DPP10: variants seen among roughly 807,000 people sequenced by gnomAD.
DPP10 encodes the protein dipeptidyl peptidase like 10.
A neutral mutation model predicts 120.9 loss-of-function variants in DPP10; 33 were observed. That is an observed-to-expected ratio of 0.27 (90% CI 0.21 to 0.37). DPP10 has a LOEUF of 0.37. Among genes scored for constraint, DPP10 ranks in the 10% least tolerant of loss-of-function variants. DPP10 has a pLI of 1.00. For missense variants in DPP10, 816 were observed against 942.8 expected, an observed-to-expected ratio of 0.87 and a Z score of 1.76; for synonymous variants, 337 against 326.1, an observed-to-expected ratio of 1.03 and a Z score of -0.36.
chr2:115,754,522 T>G (rs1679155892), intron 11 of DPP10, among the ~76,000 whole-genome samples: 1 of 152,106 alleles, frequency 6.6e-6, no homozygotes, highest in Non-Finnish European at 1.5e-5. Context: ...ACATTAGAAG[T>G]AGGGCTAGTC....
intron 1 of DPP10, among the ~76,000 whole-genome samples, chr2:114,733,990 G>A (rs978451447): frequency 2.0e-5 from 3 of 152,026 alleles, no homozygotes; most frequent in African/African-American, 7.2e-5. Flanking sequence ...GGGGTCTAGG[G>A]ACTAATGACC....
intron 19 of DPP10, among the ~76,000 whole-genome samples, chr2:115,794,196 T>G (rs1258473658): frequency 6.6e-6 from 1 of 152,194 alleles, no homozygotes. Context: ...TATTGCAATT[T>G]TGTGCCATAT....
chr2:115,095,490 C>T (rs975888274), intron 1 of DPP10, among the ~76,000 whole-genome samples: 1 of 151,924 alleles, frequency 6.6e-6, no homozygotes, highest in African/African-American at 2.4e-5. Flanking sequence ...GTGCATTTAG[C>T]TCTGGGAGAC....
At chr2:115,384,302 A>G (rs2066681936) in intron 3 of DPP10, among the ~76,000 whole-genome samples, 1 of 152,086 alleles carries the variant, frequency 6.6e-6, no homozygotes. Context: ...GGAGACTAGG[A>G]GTTCAAGGCT....
intron 7 of DPP10, among the ~76,000 whole-genome samples, chr2:115,704,042 G>A (rs1012576384): frequency 2.6e-5 from 4 of 151,772 alleles, no homozygotes; most frequent in African/African-American, 9.7e-5. Flanking sequence ...CTCCCACAAG[G>A]TTATAAAATG....
intron 1 of DPP10, among the ~76,000 whole-genome samples, chr2:115,263,430 T>C (rs1262997578): frequency 2.0e-5 from 3 of 152,232 alleles, no homozygotes; most frequent in African/African-American, 4.8e-5. Context: ...GCCCCTGGCC[T>C]AGAATGACCA....
intron 1 of DPP10, among the ~76,000 whole-genome samples, chr2:115,263,920 A>G (rs2105768571): frequency 6.6e-6 from 1 of 152,256 alleles, no homozygotes; most frequent in South Asian, 2.1e-4. Context: ...TCATTATTCA[A>G]TAGATTTTGT....
chr2:115,335,949 C>T (rs939252515), intron 2 of DPP10, among the ~76,000 whole-genome samples: 3 of 151,972 alleles, frequency 2.0e-5, no homozygotes, highest in Non-Finnish European at 4.4e-5. Context: ...TTTTAAATAA[C>T]TACTTGATTA....
At chr2:115,732,963 A>G (rs10165837) in intron 8 of DPP10, among the ~76,000 whole-genome samples, 223 of 152,292 alleles carry the variant, frequency 1.5e-3, no homozygotes, top group African/African-American at 5.2e-3. Context: ...ATTGGGAACC[A>G]TTTGGAGCAT....
At chr2:115,441,907 C>T (rs984065731) in intron 3 of DPP10, among the ~76,000 whole-genome samples, 1 of 150,082 alleles carries the variant, frequency 6.7e-6, no homozygotes, top group Non-Finnish European at 1.5e-5. Context: ...CCTCCACTTC[C>T]TGGGTTCAAG....
chr2:115,828,832 T>C (rs1688640020), intron 21 of DPP10, among the ~76,000 whole-genome samples: 1 of 152,198 alleles, frequency 6.6e-6, no homozygotes, highest in African/African-American at 2.4e-5. Flanking sequence ...ATTGTATATT[T>C]ATTAACCATT....
rs1009857066 is a variant in DPP10 at position 115,003,010 on chromosome 2, G to A, written c.61-306229G>A. 1.3e-5 allele frequency among the ~76,000 whole-genome samples: 2 copies of A among 151,654 alleles called. 1 individual carries two copies. Among genetic ancestry groups the A allele is most frequent in the South Asian group, 4.2e-4 (2 of 4,788 alleles). Reference sequence around the variant, plus strand: ...ATTTGACCCAGCATTCTCATTACTGGGTATATACTCAAAGGACTACATATT... The same window carrying A: ...ATTTGACCCAGCATTCTCATTACTGAGTATATACTCAAAGGACTACATATT... On this transcript the variant is annotated intron_variant, in intron 1 of 25. Transcript: ENST00000410059.
intron 1 of DPP10, among the ~76,000 whole-genome samples, chr2:115,105,969 T>G (rs555470501): frequency 1.9e-4 from 29 of 152,186 alleles, no homozygotes; most frequent in Non-Finnish European, 4.1e-4. Flanking sequence ...TTTTTATTTT[T>G]TAATGTAACT....
At chr2:114,974,261 T>C (rs1699598740) in intron 1 of DPP10, among the ~76,000 whole-genome samples, 1 of 152,198 alleles carries the variant, frequency 6.6e-6, no homozygotes, top group African/African-American at 2.4e-5. Flanking sequence ...ACTTTTAGTG[T>C]ACTTTTTCTA....
intron 5 of DPP10, among the ~76,000 whole-genome samples, chr2:115,568,980 GTC>G (rs2081185602): frequency 2.0e-5 from 3 of 152,126 alleles, no homozygotes; most frequent in African/African-American, 7.2e-5. Context: ...ATATGTGATA[GTC>G]TTCCTTAGTG....
chr2:114,637,888 C>T (rs577515526), intron 1 of DPP10, among the ~76,000 whole-genome samples: 5 of 151,828 alleles, frequency 3.3e-5, no homozygotes, highest in South Asian at 2.1e-4. Flanking sequence ...GTTACTGTAG[C>T]GCTGTAGTAT....
chr2:114,457,755 C>T (rs1678661950), intron 1 of DPP10, among the ~76,000 whole-genome samples: 1 of 152,156 alleles, frequency 6.6e-6, no homozygotes, highest in African/African-American at 2.4e-5. Flanking sequence ...AAAGCCCCAA[C>T]ACTTAGGTAT....
chr2:115,479,997 G>A (rs1478007717), intron 3 of DPP10, among the ~76,000 whole-genome samples: 1 of 152,224 alleles, frequency 6.6e-6, no homozygotes, highest in Non-Finnish European at 1.5e-5. Context: ...CTGATAGTAC[G>A]AGGAATGTTG....
In DPP10 at chr2:114,992,089, G is replaced by A. The variant is rs113710337; in HGVS notation, c.61-317150G>A. 2.2e-3 allele frequency among the ~76,000 whole-genome samples: 337 copies of A among 152,192 alleles called. 3 individuals are homozygous for A. In the Middle Eastern group the frequency reaches 0.031, roughly 14 times the overall value. The stretch of plus-strand genomic sequence containing the variant: ...TTTTTACATAAAGCCCAATTTTACC[G>A]TATGCAAAAAATTTACAGAGCATGC... On this transcript the variant is annotated intron_variant, in intron 1 of 25. Coordinates refer to ENST00000410059, the MANE Select transcript of DPP10 (RefSeq NM_020868.6).
Sources: allele counts gnomAD v4.1 joint callset (sites outside exome capture counted in the v4.1 genomes callset), GRCh38; gene constraint gnomAD v4.1.1; transcripts MANE v1.5; gene names NCBI Gene and HGNC (gene_info 2026-07-23, HGNC 2026-07-21).